Variants in ABCC5 observed in about 807,000 individuals in gnomAD.
ABCC5 encodes ATP binding cassette subfamily C member 5, also known as ATP-binding cassette sub-family C member 5.
A neutral mutation model predicts 160.9 loss-of-function variants in ABCC5; 61 were observed. The observed-to-expected ratio is 0.38, with a 90% CI of 0.31 to 0.47. ABCC5 has a LOEUF of 0.47. Among genes scored for constraint, ABCC5 ranks in the 20% least tolerant of loss-of-function variants. The pLI, the probability that ABCC5 is intolerant of heterozygous loss-of-function variation, is 0.99. For missense variants in ABCC5, 1,308 were observed against 1,813.3 expected (o/e 0.72, Z 5.06); for synonymous variants, 666 against 700.6 (o/e 0.95, Z 0.78).
At chr3:184,016,860 C>A (rs1377591050) in intron 1 of ABCC5, among the ~76,000 whole-genome samples, 3 of 152,326 alleles carry the variant, frequency 2.0e-5, no homozygotes, top group East Asian at 3.9e-4. Flanking sequence ...ACTGATTCAA[C>A]TGCATGGCAG....
chr3:183,938,076 A>C lies in ABCC5; in HGVS notation c.3695-16T>G. Reference sequence around the variant, plus strand: ...GAGGACTTCCCTGATGAGTCAGAAGACATGCAAGAGAGGAGCTGTTAGCAA... The same window carrying C: ...GAGGACTTCCCTGATGAGTCAGAAGCCATGCAAGAGAGGAGCTGTTAGCAA... On this transcript the variant is annotated splice_polypyrimidine_tract_variant and intron_variant, in intron 25 of 29. Coordinates refer to ENST00000334444, the MANE Select transcript of ABCC5 (RefSeq NM_005688.4). 6.2e-7 allele frequency: 1 copy of C among 1,612,800 alleles called. No individual in the cohort carries two copies. Among genetic ancestry groups the C allele is most frequent in the Non-Finnish European group, 8.5e-7 (1 of 1,179,264 alleles).
At chr3:183,993,483 C>CAAAAAA (rs57885159) in intron 2 of ABCC5, among the ~76,000 whole-genome samples, 4 of 105,458 alleles carry the variant, frequency 3.8e-5, no homozygotes, top group Non-Finnish European at 5.9e-5. Flanking sequence ...GACCCTGTCT[C>CAAAAAA]AAAAAAAAAA....
intron 26 of ABCC5, among the ~76,000 whole-genome samples, chr3:183,935,587 T>C (rs901309720): frequency 6.6e-6 from 1 of 152,162 alleles, no homozygotes; most frequent in African/African-American, 2.4e-5. Context: ...CACTGCCACC[T>C]CCGCCTCCCA....
chr3:183,984,126 A>G (rs1460010765), intron 5 of ABCC5: 1 of 985,270 alleles, frequency 1.0e-6, no homozygotes, highest in African/African-American at 1.7e-5. Flanking sequence ...AAGCTCCCCA[A>G]AGAGGTACTC....
chr3:183,940,328 T>C (rs548919718), intron 25 of ABCC5, among the ~76,000 whole-genome samples: 1 of 138,164 alleles, frequency 7.2e-6, no homozygotes, highest in South Asian at 2.5e-4. Context: ...CAAAACCCTG[T>C]CTCTACTAAA....
At chr3:183,954,760 C>T (rs112867202) in intron 17 of ABCC5, among the ~76,000 whole-genome samples, 8 of 152,054 alleles carry the variant, frequency 5.3e-5, no homozygotes, top group Admixed American at 1.3e-4. Context: ...AATTTTGCCA[C>T]GGTTAAGAAT....
At chr3:183,925,952 C>A (rs1276031522) in intron 28 of ABCC5, among the ~76,000 whole-genome samples, 1 of 150,630 alleles carries the variant, frequency 6.6e-6, no homozygotes, top group Non-Finnish European at 1.5e-5. Context: ...CATTCTCCTG[C>A]CTCAGCCGCC....
intron 15 of ABCC5, among the ~76,000 whole-genome samples, chr3:183,962,532 CTTTTTTTT>C (rs372339240): frequency 7.5e-6 from 1 of 132,996 alleles, no homozygotes; most frequent in Non-Finnish European, 1.6e-5. Flanking sequence ...CAGTTTTTTT[CTTTTTTTT>C]TTTTTTTTGT....
rs1711979918 is a variant in ABCC5, at chr3:183,921,578, G to A, written c.4213-177C>T. 6.6e-6 allele frequency among the ~76,000 whole-genome samples: 1 copy of A among 151,236 alleles called. No homozygotes were observed. On this transcript the variant is annotated intron_variant, in intron 29 of 29. Transcript: ENST00000334444. This position sits in a 1 kb window ranked among gnomAD's most constrained non-coding sequence, Gnocchi z 4.1. ...ATTTTCAACTATCCAGGGAGTAAGG[G>A]AAAGGACAGAGAAAATGACTTCCAG...
chr3:183,982,430 T>A lies in ABCC5; in HGVS notation c.999+21A>T. On this transcript the variant is annotated intron_variant, in intron 7 of 29. Coordinates refer to ENST00000334444, the MANE Select transcript of ABCC5 (RefSeq NM_005688.4). This position sits in a 1 kb window ranked among gnomAD's most constrained non-coding sequence, Gnocchi z 5.2. ...TCTCCTAAGGAGAAGCTGCCAGGAT[T>A]CAGCTGGGAGGCTTACTCACCATTG... 6.2e-7 allele frequency: 1 copy of A among 1,609,388 alleles called. No homozygotes were observed. The highest frequency in any genetic ancestry group is 8.5e-7 in the Non-Finnish European group (1 of 1,177,396).
rs1367996697 is a variant in ABCC5 at position 183,949,302 on chromosome 3, T to A, written c.3227+451A>T. ...AACAATACTCGATGCTTAAATAAAATCTACTCAAATGTCATGACTACCTTT... is the reference window on the plus strand; with the variant it reads ...AACAATACTCGATGCTTAAATAAAAACTACTCAAATGTCATGACTACCTTT... On this transcript the variant is annotated intron_variant, in intron 22 of 29. Transcript: ENST00000334444. The surrounding 1 kb of genome is among the most constrained non-coding windows in gnomAD (Gnocchi z 4.2). Among the ~76,000 whole-genome samples the A allele has an allele frequency of 6.6e-6, 1 of 152,220 alleles. No individual in the cohort carries two copies. Among genetic ancestry groups the A allele is most frequent in the African/African-American group, 2.4e-5 (1 of 41,460 alleles).
intron 27 of ABCC5, among the ~76,000 whole-genome samples, chr3:183,928,421 A>G (rs1462613121): frequency 1.3e-5 from 2 of 152,124 alleles, no homozygotes; most frequent in African/African-American, 4.8e-5. Flanking sequence ...CACGTTATAT[A>G]TCTTTTGCGT....
At chr3:184,006,664 T>C (rs1424946659) in intron 2 of ABCC5, among the ~76,000 whole-genome samples, 1 of 152,224 alleles carries the variant, frequency 6.6e-6, no homozygotes, top group Non-Finnish European at 1.5e-5. Flanking sequence ...ACATTTTCTA[T>C]AATGAGCCCA....
At chr3:183,980,479 T>C (rs899720908) in intron 8 of ABCC5, among the ~76,000 whole-genome samples, 2 of 152,220 alleles carry the variant, frequency 1.3e-5, no homozygotes, top group African/African-American at 4.8e-5. Flanking sequence ...GCCATCAACC[T>C]GCTGGCAGAT....
intron 1 of ABCC5, among the ~76,000 whole-genome samples, chr3:184,015,474 G>A (rs1395163427): frequency 6.6e-6 from 1 of 152,138 alleles, no homozygotes; most frequent in African/African-American, 2.4e-5. Flanking sequence ...CTATCGCTGT[G>A]ACTTAAAACT....
intron 2 of ABCC5, among the ~76,000 whole-genome samples, chr3:184,005,000 G>A (rs993181759): frequency 5.3e-5 from 8 of 152,126 alleles, no homozygotes; most frequent in Admixed American, 2.0e-4. Flanking sequence ...TGTCAGTGTC[G>A]TGGCGTCTCC....
chr3:183,928,674 G>C (rs2108761510), intron 27 of ABCC5, 73 bp downstream of exon 27: 1 of 1,364,578 alleles, frequency 7.3e-7, no homozygotes, highest in East Asian at 2.3e-5. Context: ...AGAGCAGACG[G>C]GGTGTGGCAA....
Position 183,965,380 on chromosome 3 carries a change from T to G in ABCC5, c.1955A>C (p.Glu652Ala). 1.9e-6 allele frequency: 3 copies of G among 1,614,146 alleles called. No homozygotes were observed. The highest frequency in any genetic ancestry group is 1.7e-6 in the Non-Finnish European group (2 of 1,180,028). The change falls in exon 13 of 30, where the codon GAA becomes GCA. Residue 652 changes from glutamate (E) to alanine (A), a missense_variant. Glu to Ala is a moderately radical substitution (Grantham distance 107). This residue lies in a region of ABCC5 where 1,142 missense variants were observed against 1,527.1 expected (regional missense o/e 0.75). Transcript: ENST00000334444. ...NILFGKEYDEERYNSVLNSCC... is the reference protein window; with the variant it reads ...NILFGKEYDEARYNSVLNSCC... ...ACAGAAGCCAAACATTCCTTGCCTT[T>G]CTTCATCATATTCCTTCCCAAACAG...
In ABCC5 at chr3:184,014,351, A is replaced by G. The variant is rs1298595516; in HGVS notation, c.42T>C (p.Ser14=). ...TCTCCCTCACACTTCTATACCCAGG[A>G]CTGGGGATGATATACTCTTTTCCTA... The part of the protein sequence containing the change: ...IDIGKEYIIP[S]PGYRSVRERT... The change falls in exon 2 of 30, where the codon AGT becomes AGC. Residue 14 remains serine (S), a synonymous_variant. Transcript: ENST00000334444. The G allele has an allele frequency of 1.2e-6, 2 of 1,613,694 alleles. No individual in the cohort carries two copies. Among genetic ancestry groups the G allele is most frequent in the African/African-American group, 1.3e-5 (1 of 74,858 alleles).
Sources: gnomAD v4.1 joint callset for allele counts (sites outside exome capture counted in the v4.1 genomes callset) on GRCh38, gnomAD v4.1.1 for gene constraint, gnomAD v4.1.1 regional missense constraint, Gnocchi (gnomAD v3.1) non-coding constraint, MANE v1.5 for transcripts, NCBI Gene and HGNC (gene_info 2026-07-23, HGNC 2026-07-21) for gene names.